ZNF268: variants seen among roughly 807,000 people sequenced by gnomAD.
ZNF268 encodes the protein zinc finger protein 3.
ZNF268 carries 20 observed loss-of-function variants against 29.3 expected under a neutral mutation model. The observed-to-expected ratio is 0.68, with a 90% CI of 0.48 to 0.99. ZNF268 has a LOEUF of 0.99. ZNF268 is among the 50% of genes least tolerant of loss of function. ZNF268 has a pLI of 0.00. For missense variants in ZNF268, 1,240 were observed against 1,121.6 expected (o/e 1.11, Z -1.51); for synonymous variants, 429 against 376.9 (o/e 1.14, Z -1.60).
At chr12:133,196,315 C>T (rs1353766131) in intron 5 of ZNF268, among the ~76,000 whole-genome samples, 28 of 112,656 alleles carry the variant, frequency 2.5e-4, no homozygotes, top group African/African-American at 1.1e-3. Flanking sequence ...AGTGAGACTC[C>T]ATCTAAAAAA....
rs1295079813 is a variant in ZNF268 at position 133,207,196 on chromosome 12, GTTA to G, written c.*2671_*2673del. ...ACATTCCAGAGACTTTTCAGGAATA[GTTA>G]TTATAAGGAAAATCCAAGGAAAAAT... is the stretch of plus-strand genomic sequence containing the variant. On this transcript the variant is annotated 3_prime_UTR_variant, in exon 6 of 6. Coordinates refer to ENST00000536435, the MANE Select transcript of ZNF268 (RefSeq NM_003415.3). The G allele has an allele frequency of 1.3e-5, 2 of 152,190 alleles. No homozygotes were observed. The highest frequency in any genetic ancestry group is 2.4e-5 in the African/African-American group (1 of 41,446). 9.4% of individuals were successfully genotyped at this position (152,190 alleles called of 1,614,324 possible). A position where few individuals can be genotyped will look rare whatever the true frequency, so the allele number is the denominator to read the frequency against.
In ZNF268 at chr12:133,208,864, G is replaced by A. The variant is rs1956942323; in HGVS notation, c.*4334G>A. On this transcript the variant is annotated 3_prime_UTR_variant, in exon 6 of 6. Transcript: ENST00000536435. ...CCAGTAGAGTAGCAAGTATGCAGTT[G>A]TCAGTATTCATGGAGGACCCCCCCG... 9.1e-6 allele frequency: 1 copy of A among 109,804 alleles called. No individual in the cohort carries two copies. The highest frequency in any genetic ancestry group is 3.2e-5 in the African/African-American group (1 of 31,022). The allele number at this position is 109,804 out of a possible 1,614,324, so 6.8% of individuals were successfully genotyped here.
chr12:133,182,056 T>C (rs1359196406), intron 2 of ZNF268, 26 bp downstream of exon 2: 2 of 1,554,104 alleles, frequency 1.3e-6, no homozygotes, highest in African/African-American at 2.7e-5. Flanking sequence ...CTTTCATTCT[T>C]GAAAAGCTCT....
In ZNF268 at chr12:133,207,315, C is replaced by T. The variant is rs1956916578; in HGVS notation, c.*2785C>T. 1 of 32,980 alleles carries T rather than the reference C, an allele frequency of 3.0e-5. No homozygotes were observed. Among genetic ancestry groups the T allele is most frequent in the African/African-American group, 9.0e-5 (1 of 11,072 alleles). 2.0% of individuals were successfully genotyped at this position (32,980 alleles called of 1,614,324 possible). A position where few individuals can be genotyped will look rare whatever the true frequency, so the allele number is the denominator to read the frequency against. ...TATTTGTGAACATAGGTTTAAAAAT[C>T]CATATTTGTGAACATAGGTTTAAAA... On this transcript the variant is annotated 3_prime_UTR_variant, in exon 6 of 6. Coordinates refer to ENST00000536435, the MANE Select transcript of ZNF268 (RefSeq NM_003415.3).
rs189555948 is a variant in ZNF268 at position 133,204,059 on chromosome 12, C to G, written c.2373C>G (p.Ser791Arg). Residue 791 changes from serine to arginine, a missense_variant, in exon 6 of 6, where the codon AGC becomes AGG. Around this residue, in one of 3 missense-constraint regions of ZNF268, gnomAD observed 1,177 missense variants for 1,039.6 expected, o/e 1.13. Coordinates refer to ENST00000536435, the MANE Select transcript of ZNF268 (RefSeq NM_003415.3). ...GTGAATGTGGGAAAGCTTTTAGCAG[C>G]AAGTCATACCTAATTATACACATGA... is the stretch of plus-strand genomic sequence containing the variant. ...GCSECGKAFSSKSYLIIHMRT... is the reference protein window; with the variant it reads ...GCSECGKAFSRKSYLIIHMRT... The G allele has an allele frequency of 6.4e-7, 1 of 1,560,622 alleles. No homozygotes were observed. The highest frequency in any genetic ancestry group is 1.9e-5 in the Admixed American group (1 of 52,472).
chr12:133,193,336 A>C (rs902988366), intron 5 of ZNF268: 20 of 513,822 alleles, frequency 3.9e-5, no homozygotes, highest in African/African-American at 3.3e-4. Flanking sequence ...ATCTCAAAAA[A>C]AGAAGACTTC....
intron 1 of ZNF268, 35 bp downstream of exon 1, chr12:133,181,721 G>A: frequency 2.3e-6 from 1 of 435,606 alleles, no homozygotes; most frequent in Non-Finnish European, 4.2e-6. Context: ...GCGGCGGGAC[G>A]GGACAGAACT....
chr12:133,204,455 T>G lies in ZNF268; in HGVS notation c.2769T>G (p.Thr923=). 6.4e-7 allele frequency: 1 copy of G among 1,557,074 alleles called. No homozygotes were observed. The highest frequency in any genetic ancestry group is 1.2e-5 in the South Asian group (1 of 85,530). ...THTGEKPCKC[T]ECGKAFCWKS... ...CAGGAGAGAAGCCTTGTAAGTGCAC[T>G]GAATGTGGGAAAGCCTTTTGTTGGA... Residue 923 remains threonine, a synonymous_variant, in exon 6 of 6, where the codon ACT becomes ACG. Coordinates refer to ENST00000536435, the MANE Select transcript of ZNF268 (RefSeq NM_003415.3).
intron 5 of ZNF268, among the ~76,000 whole-genome samples, chr12:133,195,103 G>A (rs2135505315): frequency 6.6e-6 from 1 of 152,338 alleles, no homozygotes; most frequent in South Asian, 2.1e-4. Flanking sequence ...GGTAGCCACT[G>A]GTTTACACTG....
At position 133,203,157 on chromosome 12, in the gene ZNF268, C is replaced by G; in HGVS notation, c.1471C>G (p.Gln491Glu). ...TTTGAAATCACAGCTCATTGTACAT[C>G]AGAGAAGTCACACAGGAATGAAACC... ...FSLKSQLIVH[Q>E]RSHTGMKPYV... The change falls in exon 6 of 6, where the codon CAG becomes GAG. Residue 491 changes from glutamine (Q) to glutamate (E), a missense_variant. Gln to Glu is a conservative substitution (Grantham distance 29, BLOSUM62 2). Around this residue, in one of 3 missense-constraint regions of ZNF268, gnomAD observed 1,177 missense variants for 1,039.6 expected, o/e 1.13. Transcript: ENST00000536435. The G allele has an allele frequency of 6.5e-7, 1 of 1,537,572 alleles. No individual in the cohort carries two copies. The highest frequency in any genetic ancestry group is 8.7e-7 in the Non-Finnish European group (1 of 1,146,790).
intron 5 of ZNF268, 105 bp from the exon 6 acceptor site, chr12:133,202,039 A>G (rs1956762039): frequency 3.2e-6 from 3 of 942,342 alleles, no homozygotes; most frequent in Non-Finnish European, 4.6e-6. Context: ...TACCACAATC[A>G]TGTGATTTAT....
At chr12:133,183,074 G>A (rs528075453) in intron 2 of ZNF268, among the ~76,000 whole-genome samples, 6 of 152,300 alleles carry the variant, frequency 3.9e-5, no homozygotes, top group African/African-American at 9.6e-5. Context: ...CTGCGCATGC[G>A]AAAGATCTAG....
intron 3 of ZNF268, among the ~76,000 whole-genome samples, chr12:133,189,398 A>G (rs1956406565): frequency 6.6e-6 from 1 of 152,018 alleles, no homozygotes; most frequent in Non-Finnish European, 1.5e-5. Flanking sequence ...TATTTGTAGT[A>G]GAGACAGGGT....
In ZNF268 at chr12:133,207,566, C is replaced by G. The variant is rs1956922626; in HGVS notation, c.*3036C>G. ...GCTCACACCTATAATCCCAGCACTT[C>G]AGGAGGCTGAGATGGTGGATCACCT... On this transcript the variant is annotated 3_prime_UTR_variant, in exon 6 of 6. Transcript: ENST00000536435. 1 of 152,162 alleles carries G rather than the reference C, an allele frequency of 6.6e-6. No individual in the cohort carries two copies. The highest frequency in any genetic ancestry group is 2.1e-4 in the South Asian group (1 of 4,832). 9.4% of individuals were successfully genotyped at this position (152,162 alleles called of 1,614,324 possible).
At chr12:133,189,601 C>T (rs1223303910) in intron 3 of ZNF268, among the ~76,000 whole-genome samples, 1 of 152,140 alleles carries the variant, frequency 6.6e-6, no homozygotes, top group African/African-American at 2.4e-5. Flanking sequence ...ATCCTGTGAC[C>T]TTGCTACATT....
chr12:133,191,898 C>G lies in ZNF268; in HGVS notation c.362-10C>G. Reference sequence around the variant, plus strand: ...TTGTTCCAGGTTGTCTGTGATTTTTCTATTTATAGGGTACCAACACACCAA... The same window carrying G: ...TTGTTCCAGGTTGTCTGTGATTTTTGTATTTATAGGGTACCAACACACCAA... On this transcript the variant is annotated splice_polypyrimidine_tract_variant and intron_variant, in intron 4 of 5. Transcript: ENST00000536435. 1.9e-6 allele frequency: 3 copies of G among 1,613,126 alleles called. No individual in the cohort carries two copies. The highest frequency in any genetic ancestry group is 2.5e-6 in the Non-Finnish European group (3 of 1,179,146).
In ZNF268 at chr12:133,209,103, C is replaced by G. The variant is rs1349388207; in HGVS notation, c.*4573C>G. ...GAATTACAGGCACACGCCACCACGC[C>G]CAGCTAATTTTTGTGTTTTTAGTAG... On this transcript the variant is annotated 3_prime_UTR_variant, in exon 6 of 6. Coordinates refer to ENST00000536435, the MANE Select transcript of ZNF268 (RefSeq NM_003415.3). 6.6e-6 allele frequency: 1 copy of G among 152,114 alleles called. No individual in the cohort carries two copies. The highest frequency in any genetic ancestry group is 1.5e-5 in the Non-Finnish European group (1 of 68,068). The allele number at this position is 152,114 out of a possible 1,614,324, so 9.4% of individuals were successfully genotyped here.
chr12:133,187,794 T>G, intron 2 of ZNF268, 78 bp from the exon 3 acceptor site: 1 of 1,350,718 alleles, frequency 7.4e-7, no homozygotes, highest in South Asian at 1.4e-5. Context: ...TCTCTCACAT[T>G]TATGTGATGT....
chr12:133,191,607 T>C lies in ZNF268; in HGVS notation c.353T>C (p.Val118Ala). 1 of 1,614,022 alleles carries C rather than the reference T, an allele frequency of 6.2e-7. No homozygotes were observed. Among genetic ancestry groups the C allele is most frequent in the Admixed American group, 1.7e-5 (1 of 59,988 alleles). The change falls in exon 4 of 6, where the codon GTG becomes GCG. Residue 118 changes from valine to alanine, a missense_variant. By Grantham distance (64) the Val-to-Ala change is moderately conservative (BLOSUM62 0). Coordinates refer to ENST00000536435, the MANE Select transcript of ZNF268 (RefSeq NM_003415.3). ...SVMLENYSNL[V>A]SLGYQHTKPD... ...ATGTTGGAGAACTATAGCAACCTGG[T>C]GTCCCTAGGTAAGTGCTGCCTCCCT... is the stretch of plus-strand genomic sequence containing the variant.
Sources: gnomAD v4.1 joint callset for allele counts (sites outside exome capture counted in the v4.1 genomes callset) on GRCh38, gnomAD v4.1.1 for gene constraint, gnomAD v4.1.1 regional missense constraint, MANE v1.5 for transcripts, NCBI Gene and HGNC (gene_info 2026-07-23, HGNC 2026-07-21) for gene names.